The following SCHIP1 variants were observed in gnomAD, a reference collection of about 807,000 sequenced individuals.
The protein encoded by SCHIP1 is schwannomin-interacting protein 1.
In SCHIP1, 8 loss-of-function variants were observed where a neutral mutation model predicts 29.7. The observed-to-expected ratio is 0.27, with a 90% confidence interval of 0.16 to 0.49. The LOEUF (loss-of-function observed/expected upper bound fraction) is 0.49. SCHIP1 is among the 20% of genes least tolerant of loss of function. The pLI, the probability that SCHIP1 is intolerant of heterozygous loss-of-function variation, is 0.99. For synonymous variants in SCHIP1, 76 were observed against 94.9 expected (o/e 0.80, Z 1.16); for missense variants, 193 against 294.6 (o/e 0.66, Z 2.52).
the SCHIP1 span, among the ~76,000 whole-genome samples, chr3:159,478,842 TA>T: frequency 1.3e-5 from 2 of 152,172 alleles, no homozygotes; most frequent in Admixed American, 1.3e-4. Flanking sequence ...ATGGTGTTCT[TA>T]ATTTTATATT....
chr3:159,468,857 C>T, the SCHIP1 span, among the ~76,000 whole-genome samples: 1 of 150,378 alleles, frequency 6.6e-6, no homozygotes, highest in East Asian at 1.9e-4. Context: ...AGCTCTGCCT[C>T]CCAGGTTCAT....
chr3:159,557,809 T>C, the SCHIP1 span, among the ~76,000 whole-genome samples: 1 of 152,142 alleles, frequency 6.6e-6, no homozygotes, highest in African/African-American at 2.4e-5. Flanking sequence ...TCATAGCAAA[T>C]AGTCTCTTCT....
the SCHIP1 span, among the ~76,000 whole-genome samples, chr3:159,318,632 C>T: frequency 2.0e-5 from 3 of 152,216 alleles, no homozygotes; most frequent in East Asian, 5.8e-4. Context: ...GGAACTCCCC[C>T]TGAGGCCATC....
At chr3:159,327,247 C>T in the SCHIP1 span, among the ~76,000 whole-genome samples, 1 of 152,156 alleles carries the variant, frequency 6.6e-6, no homozygotes, top group South Asian at 2.1e-4. Context: ...CAAGTAGTAA[C>T]TTGTCCCATC....
Position 159,866,312 on chromosome 3 carries a change from A to G in SCHIP1, c.149+31A>G, listed in dbSNP as rs756944962. ...TGTTCTTTTGAGTTGAATTTCTGATATGTACACAGTGGATTCTGTCACTTG... is the reference window on the plus strand; with the variant it reads ...TGTTCTTTTGAGTTGAATTTCTGATGTGTACACAGTGGATTCTGTCACTTG... On this transcript the variant is annotated intron_variant, in intron 2 of 6. Transcript: ENST00000445224. 3.1e-6 allele frequency: 5 copies of G among 1,587,710 alleles called. No homozygotes were observed. In the African/African-American group the frequency reaches 5.4e-5, roughly 17 times the overall value.
the SCHIP1 span, among the ~76,000 whole-genome samples, chr3:159,607,498 T>C: frequency 0.2 from 30,667 of 152,084 alleles, 8,424 homozygotes; most frequent in African/African-American, 0.62. Flanking sequence ...TTGTTCTTGC[T>C]GGTAAAATGA....
the SCHIP1 span, among the ~76,000 whole-genome samples, chr3:159,740,249 G>A: frequency 3.3e-5 from 5 of 152,216 alleles, no homozygotes; most frequent in Admixed American, 6.5e-5. Flanking sequence ...TGAAGTGGGT[G>A]GCGAGAAAAG....
chr3:159,279,037 G>A, the SCHIP1 span, among the ~76,000 whole-genome samples: 1 of 152,088 alleles, frequency 6.6e-6, no homozygotes. Flanking sequence ...TCTGAAAGAG[G>A]CACACATCAC....
the SCHIP1 span, among the ~76,000 whole-genome samples, chr3:159,680,729 TAA>T: frequency 1.2e-4 from 8 of 69,190 alleles, no homozygotes; most frequent in Admixed American, 8.8e-4. Flanking sequence ...TGTATATATA[TAA>T]TATACATATA....
chr3:159,313,250 G>A, the SCHIP1 span, among the ~76,000 whole-genome samples: 4 of 152,186 alleles, frequency 2.6e-5, no homozygotes, highest in African/African-American at 9.7e-5. Context: ...AGATACGCAG[G>A]AAAGAAAGAA....
At chr3:159,650,557 G>A in the SCHIP1 span, among the ~76,000 whole-genome samples, 2 of 152,104 alleles carry the variant, frequency 1.3e-5, no homozygotes, top group Admixed American at 1.3e-4. Context: ...GAGCTTAAAT[G>A]TATATATCCT....
At chr3:159,434,052 G>A in the SCHIP1 span, among the ~76,000 whole-genome samples, 1 of 152,120 alleles carries the variant, frequency 6.6e-6, no homozygotes, top group Non-Finnish European at 1.5e-5. Context: ...TAGAGTGCAT[G>A]TCTTATTTAT....
At chr3:159,887,678 A>G (rs749467596) in intron 3 of SCHIP1, 30 bp from the exon 5 acceptor site, 6 of 1,612,226 alleles carry the variant, frequency 3.7e-6, no homozygotes, top group Non-Finnish European at 5.1e-6. Context: ...CATGCATGGA[A>G]GGCTCAGGCT....
At chr3:159,538,039 C>T in the SCHIP1 span, among the ~76,000 whole-genome samples, 2 of 152,104 alleles carry the variant, frequency 1.3e-5, no homozygotes, top group Non-Finnish European at 2.9e-5. Flanking sequence ...AGGAGATTAG[C>T]CATGTTGCCA....
the SCHIP1 span, among the ~76,000 whole-genome samples, chr3:159,802,538 T>C: frequency 3.0e-4 from 45 of 152,284 alleles, 2 homozygotes; most frequent in South Asian, 9.3e-3. Flanking sequence ...TTGTGCCTGA[T>C]TTTAAAAAAA....
chr3:159,476,697 A>G, the SCHIP1 span, among the ~76,000 whole-genome samples: 2 of 152,158 alleles, frequency 1.3e-5, no homozygotes, highest in African/African-American at 4.8e-5. Context: ...TCGGCAAATC[A>G]TAATTTTCTA....
the SCHIP1 span, among the ~76,000 whole-genome samples, chr3:159,531,512 T>C: frequency 6.6e-6 from 1 of 152,310 alleles, no homozygotes; most frequent in East Asian, 1.9e-4. Context: ...TAAGATAGCT[T>C]ACATACAAAA....
At chr3:159,789,007 G>A in the SCHIP1 span, among the ~76,000 whole-genome samples, 4 of 152,142 alleles carry the variant, frequency 2.6e-5, no homozygotes, top group East Asian at 7.7e-4. Context: ...TAAGCATAAT[G>A]CAAATATTCC....
At chr3:159,665,546 T>TTGTATGTG in the SCHIP1 span, among the ~76,000 whole-genome samples, 2 of 147,460 alleles carry the variant, frequency 1.4e-5, no homozygotes, top group African/African-American at 5.0e-5. Flanking sequence ...GTTTTTGGGG[T>TTGTATGTG]TGTGTGTGTG....
Sources: gnomAD v4.1 joint callset for allele counts (sites outside exome capture counted in the v4.1 genomes callset) on GRCh38, gnomAD v4.1.1 for gene constraint, MANE v1.5 for transcripts, NCBI Gene and HGNC (gene_info 2026-07-23, HGNC 2026-07-21) for gene names.